Variants in GALNTL6 observed in about 807,000 individuals in gnomAD.
The protein encoded by GALNTL6 is polypeptide N-acetylgalactosaminyltransferase like 6.
In GALNTL6, 46 loss-of-function variants were observed where a neutral mutation model predicts 73.7. The ratio of observed to expected loss-of-function variants is 0.62; its 90% CI spans 0.49 to 0.80. GALNTL6 has a LOEUF of 0.80. Ranked by LOEUF, GALNTL6 falls within the 30% of genes least tolerant of loss-of-function variation. The pLI is 0.00. For synonymous variants in GALNTL6, 259 were observed against 263.7 expected (o/e 0.98, Z 0.17); for missense variants, 604 against 755.0 (o/e 0.80, Z 2.34).
intron 5 of GALNTL6, among the ~76,000 whole-genome samples, chr4:172,764,724 ATAGAATCAC>A (rs1560936900): frequency 6.6e-6 from 1 of 152,194 alleles, no homozygotes; most frequent in African/African-American, 2.4e-5. Flanking sequence ...TGTCTCAAAA[ATAGAATCAC>A]ATGTGAGTTT....
At chr4:172,593,784 T>C (rs1737746562) in intron 5 of GALNTL6, among the ~76,000 whole-genome samples, 2 of 151,850 alleles carry the variant, frequency 1.3e-5, no homozygotes, top group Admixed American at 6.6e-5. Flanking sequence ...GGCTGGAGTG[T>C]AATAGTGTGA....
chr4:171,814,806 C>T, intron 2 of GALNTL6, 88 bp downstream of exon 2: 1 of 1,388,864 alleles, frequency 7.2e-7, no homozygotes. Context: ...GTGGGATCGC[C>T]TTGGGTTTTC....
At chr4:172,868,505 G>C (rs900011760) in intron 7 of GALNTL6, among the ~76,000 whole-genome samples, 4 of 152,236 alleles carry the variant, frequency 2.6e-5, no homozygotes, top group Non-Finnish European at 4.4e-5. Context: ...CTGCTTTTAA[G>C]ATGCATACTA....
chr4:172,332,309 CAG>C (rs1329154996), intron 4 of GALNTL6, among the ~76,000 whole-genome samples: 3 of 151,892 alleles, frequency 2.0e-5, no homozygotes, highest in Non-Finnish European at 4.4e-5. Flanking sequence ...ATTATCTAGT[CAG>C]AGTGTTTACA....
intron 2 of GALNTL6, among the ~76,000 whole-genome samples, chr4:172,022,336 C>T (rs572990248): frequency 6.6e-6 from 1 of 152,130 alleles, no homozygotes; most frequent in African/African-American, 2.4e-5. Flanking sequence ...TAGAGCCTTC[C>T]TCCACACTGA....
At chr4:172,016,891 C>A (rs1485020305) in intron 2 of GALNTL6, among the ~76,000 whole-genome samples, 1 of 152,048 alleles carries the variant, frequency 6.6e-6, no homozygotes, top group East Asian at 1.9e-4. Context: ...GGCTTTCCCT[C>A]ATGCTTGGTT....
In GALNTL6 at chr4:171,928,891, C is replaced by T. The variant is rs551507334; in HGVS notation, c.138+114173C>T. Among the ~76,000 whole-genome samples the T allele has an allele frequency of 6.6e-5, 10 of 152,166 alleles. No homozygotes were observed. In the East Asian group the frequency reaches 1.2e-3, roughly 18 times the overall value. On this transcript the variant is annotated intron_variant, in intron 2 of 12. Coordinates refer to ENST00000506823, the MANE Select transcript of GALNTL6 (RefSeq NM_001034845.3). ...ACACACTGTGATGTTCACAGAAAAACGAAATCACCTAATGACACATTTCCC... is the reference window on the plus strand; with the variant it reads ...ACACACTGTGATGTTCACAGAAAAATGAAATCACCTAATGACACATTTCCC...
chr4:171,894,295 G>C (rs1736846578), intron 2 of GALNTL6, among the ~76,000 whole-genome samples: 1 of 152,076 alleles, frequency 6.6e-6, no homozygotes. Context: ...GTAGAGCAAG[G>C]CAGAGGTCTT....
chr4:172,887,034 C>T (rs1383100032), intron 8 of GALNTL6, among the ~76,000 whole-genome samples: 1 of 152,062 alleles, frequency 6.6e-6, no homozygotes, highest in Non-Finnish European at 1.5e-5. Flanking sequence ...ATATTTATGT[C>T]CATGTGTACT....
chr4:173,035,390 C>G (rs1753654193), intron 12 of GALNTL6, among the ~76,000 whole-genome samples: 1 of 151,516 alleles, frequency 6.6e-6, no homozygotes, highest in South Asian at 2.1e-4. Context: ...GTTGCTCAGG[C>G]TGGTCTCGAA....
intron 2 of GALNTL6, among the ~76,000 whole-genome samples, chr4:171,883,330 C>T (rs1379829954): frequency 6.6e-6 from 1 of 152,000 alleles, no homozygotes; most frequent in Admixed American, 6.6e-5. Context: ...CCAGCCTGAG[C>T]GACAGAGCAA....
At chr4:172,440,514 T>C (rs1356875565) in intron 5 of GALNTL6, among the ~76,000 whole-genome samples, 1 of 152,074 alleles carries the variant, frequency 6.6e-6, no homozygotes, top group African/African-American at 2.4e-5. Flanking sequence ...ACACAGAAGA[T>C]TTTTAGGGCA....
At chr4:172,710,315 A>G (rs188581955) in intron 5 of GALNTL6, among the ~76,000 whole-genome samples, 191 of 152,322 alleles carry the variant, frequency 1.3e-3, no homozygotes, top group Non-Finnish European at 2.3e-3. Context: ...AGATGTGTTA[A>G]AACACACACA....
intron 12 of GALNTL6, among the ~76,000 whole-genome samples, chr4:173,021,995 AAAAG>A (rs1753009404): frequency 6.7e-6 from 1 of 148,646 alleles, no homozygotes. Context: ...CTCTGTTAAG[AAAAG>A]AAAGAGAGAG....
At chr4:172,227,562 T>C (rs906481571) in intron 2 of GALNTL6, among the ~76,000 whole-genome samples, 14 of 152,286 alleles carry the variant, frequency 9.2e-5, no homozygotes, top group African/African-American at 3.4e-4. Context: ...ACATTTAACC[T>C]GACAGTCAGA....
chr4:172,802,311 C>T (rs1740696825), intron 5 of GALNTL6, among the ~76,000 whole-genome samples: 1 of 152,100 alleles, frequency 6.6e-6, no homozygotes, highest in Non-Finnish European at 1.5e-5. Context: ...GTAACAAAAG[C>T]CCACCAAGAG....
At chr4:172,594,239 G>A (rs1298680964) in intron 5 of GALNTL6, among the ~76,000 whole-genome samples, 10 of 152,008 alleles carry the variant, frequency 6.6e-5, no homozygotes, top group Admixed American at 3.9e-4. Flanking sequence ...CCAGCTACTC[G>A]GGAGGCTGAG....
chr4:171,844,162 G>T (rs1735311309), intron 2 of GALNTL6, among the ~76,000 whole-genome samples: 1 of 152,064 alleles, frequency 6.6e-6, no homozygotes, highest in Admixed American at 6.6e-5. Context: ...TCTAAAGGTG[G>T]AATATCAATC....
chr4:172,832,036 C>T (rs10017105), intron 7 of GALNTL6, among the ~76,000 whole-genome samples: 20,505 of 152,112 alleles, frequency 0.13, 2,517 homozygotes, highest in African/African-American at 0.31. Flanking sequence ...AGCCTTGAGC[C>T]TCATATTTTC....
Sources: gnomAD v4.1 joint callset for allele counts (sites outside exome capture counted in the v4.1 genomes callset) on GRCh38, gnomAD v4.1.1 for gene constraint, MANE v1.5 for transcripts, NCBI Gene and HGNC (gene_info 2026-07-23, HGNC 2026-07-21) for gene names.